MTHFSD: variants seen among roughly 807,000 people sequenced by gnomAD.
MTHFSD encodes methenyltetrahydrofolate synthase domain-containing protein.
A neutral mutation model predicts 31.1 loss-of-function variants in MTHFSD; 37 were observed. The observed-to-expected ratio is 1.19, with a 90% CI of 0.91 to 1.56. MTHFSD has a LOEUF of 1.56. Ranked by LOEUF, MTHFSD falls within the 40% of genes most tolerant of loss-of-function variation. The pLI, the probability that MTHFSD is intolerant of heterozygous loss-of-function variation, is 0.00. For missense variants in MTHFSD, 664 were observed against 510.1 expected (o/e 1.30, Z -2.91); for synonymous variants, 221 against 206.9 (o/e 1.07, Z -0.59).
chr16:86,547,546 C>T, intron 4 of MTHFSD: 1 of 987,370 alleles, frequency 1.0e-6, no homozygotes. Flanking sequence ...CTCGCAGGGT[C>T]CACGGGGGCA....
intron 5 of MTHFSD, among the ~76,000 whole-genome samples, chr16:86,543,988 T>C (rs1971907266): frequency 2.0e-5 from 3 of 152,236 alleles, no homozygotes; most frequent in Admixed American, 1.3e-4. Flanking sequence ...TGCCTGCTGA[T>C]CTGTCACTGT....
chr16:86,535,572 C>T (rs886248789), intron 7 of MTHFSD: 22 of 942,738 alleles, frequency 2.3e-5, no homozygotes, highest in Non-Finnish European at 2.8e-5. Context: ...AACATTTTTG[C>T]CTTTTTATAA....
rs1973197917 is a variant in MTHFSD, at chr16:86,551,884, A to T, written c.237+149T>A. The stretch of plus-strand genomic sequence containing the variant: ...AGGGCTTCTGAACTATTCTTGGAAA[A>T]ATCACCACCAAGGGCACTTTCTGTA... On this transcript the variant is annotated intron_variant, in intron 3 of 7. Coordinates refer to ENST00000360900, the MANE Select transcript of MTHFSD (RefSeq NM_001159377.2). The T allele has an allele frequency of 2.2e-5, 32 of 1,441,256 alleles. No homozygotes were observed. In the South Asian group the frequency reaches 4.3e-4, roughly 19 times the overall value. The allele number at this position is 1,441,256 out of a possible 1,614,324, so 89.3% of individuals were successfully genotyped here. A position where few individuals can be genotyped will look rare whatever the true frequency, so the allele number is the denominator to read the frequency against.
At chr16:86,541,161 T>C in intron 7 of MTHFSD, 5 of 1,289,220 alleles carry the variant, frequency 3.9e-6, no homozygotes, top group Non-Finnish European at 5.1e-6. Flanking sequence ...GTCAAACTCC[T>C]ACTGCAGACT....
At chr16:86,554,176 T>G (rs143616532) in intron 2 of MTHFSD, among the ~76,000 whole-genome samples, 463 of 152,290 alleles carry the variant, frequency 3.0e-3, no homozygotes, top group African/African-American at 0.011. Context: ...CTGCTGCTCA[T>G]TCTTTGAGTC....
chr16:86,545,192 C>G (rs866034808), intron 5 of MTHFSD, among the ~76,000 whole-genome samples: 6 of 152,112 alleles, frequency 3.9e-5, no homozygotes, highest in Admixed American at 3.9e-4. Flanking sequence ...GCACATCCTA[C>G]ACATGTATCC....
intron 1 of MTHFSD, 184 bp from the exon 2 acceptor site, chr16:86,554,935 C>T (rs1466119432): frequency 4.2e-6 from 5 of 1,194,272 alleles, no homozygotes; most frequent in Non-Finnish European, 5.7e-6. Context: ...GCAGGTGTCC[C>T]TCCCGCCTCG....
At chr16:86,540,390 A>G (rs1287366593) in intron 7 of MTHFSD, among the ~76,000 whole-genome samples, 1 of 152,182 alleles carries the variant, frequency 6.6e-6, no homozygotes, top group Admixed American at 6.5e-5. Flanking sequence ...AGGAGGATAT[A>G]TTCACCTAAC....
chr16:86,540,592 T>C, intron 7 of MTHFSD: 1 of 852,854 alleles, frequency 1.2e-6, no homozygotes, highest in Non-Finnish European at 1.4e-6. Flanking sequence ...TTGTGCAACC[T>C]TCCCACCATC....
Position 86,555,211 on chromosome 16 carries a change from C to T in MTHFSD, c.-27G>A, listed in dbSNP as rs1425272743. On this transcript the variant is annotated 5_prime_UTR_variant, in exon 1 of 8. Transcript: ENST00000360900. Reference sequence around the variant, plus strand: ...GTGATGCAGTCGCTGTGCGACGCTTCCCGGCGCAGGTTCTGGCGCGTAGTG... The same window carrying T: ...GTGATGCAGTCGCTGTGCGACGCTTTCCGGCGCAGGTTCTGGCGCGTAGTG... 11 of 1,536,388 alleles carry T rather than the reference C, an allele frequency of 7.2e-6. No individual in the cohort carries two copies. The South Asian group carries it at 1.1e-4, about 15-fold the overall frequency.
In MTHFSD at chr16:86,552,122, T is replaced by C. The variant is rs370466860; in HGVS notation, c.148A>G (p.Ile50Val). 1.9e-6 allele frequency: 3 copies of C among 1,614,104 alleles called. No homozygotes were observed. Among genetic ancestry groups the C allele is most frequent in the Non-Finnish European group, 2.5e-6 (3 of 1,180,052 alleles). ...FKGSYLACQN[I>V]KDLDVFARTQ... ...CTGGCAAAAACGTCTAGGTCTTTGA[T>C]GTTTTGGCAAGCCAGATAAGACCCC... The change falls in exon 3 of 8, where the codon ATC (isoleucine) becomes GTC (valine). Residue 50 changes from isoleucine (I) to valine (V), a missense_variant. Physicochemically the swap from Ile to Val is conservative, Grantham distance 29. Transcript: ENST00000360900.
At chr16:86,533,684 T>A (rs1368164870) in intron 7 of MTHFSD, 1 of 152,108 alleles carries the variant, frequency 6.6e-6, no homozygotes, top group Admixed American at 6.5e-5. Flanking sequence ...GGAGCTGGGG[T>A]TCCCTCCCAA....
intron 2 of MTHFSD, 76 bp downstream of exon 2, chr16:86,554,569 G>A (rs566546796): frequency 1.8e-5 from 20 of 1,134,838 alleles, no homozygotes; most frequent in African/African-American, 1.2e-4. Flanking sequence ...GACGCAGTAA[G>A]AGAATTTTAT....
At chr16:86,541,433 C>T in intron 7 of MTHFSD, 1 of 613,298 alleles carries the variant, frequency 1.6e-6, no homozygotes, top group Non-Finnish European at 2.7e-6. Context: ...CATTCACCCT[C>T]CCAGCCCATG....
At chr16:86,537,449 G>C (rs934318484) in intron 7 of MTHFSD, among the ~76,000 whole-genome samples, 1 of 152,014 alleles carries the variant, frequency 6.6e-6, no homozygotes, top group Non-Finnish European at 1.5e-5. Context: ...CTTCTATAGA[G>C]ATTCAGATAA....
chr16:86,547,197 T>G, intron 4 of MTHFSD: 1 of 987,038 alleles, frequency 1.0e-6, no homozygotes, highest in Non-Finnish European at 1.2e-6. Flanking sequence ...ACTATCTTTA[T>G]GTACAATATA....
chr16:86,548,184 G>C lies in MTHFSD; in HGVS notation c.351+280C>G, dbSNP rs142537879. ...CGCAGGTTAACACCGGGCAGTGCCAGAGAACCAGATCACCCGTCTTCCCTT... is the reference window on the plus strand; with the variant it reads ...CGCAGGTTAACACCGGGCAGTGCCACAGAACCAGATCACCCGTCTTCCCTT... On this transcript the variant is annotated intron_variant, in intron 4 of 7. Coordinates refer to ENST00000360900, the MANE Select transcript of MTHFSD (RefSeq NM_001159377.2). The C allele has an allele frequency of 4.1e-5, 49 of 1,191,594 alleles. No individual in the cohort carries two copies. In the East Asian group the frequency reaches 2.0e-3, roughly 48 times the overall value. The allele number at this position is 1,191,594 out of a possible 1,614,324, so 73.8% of individuals were successfully genotyped here. A position where few individuals can be genotyped will look rare whatever the true frequency, so the allele number is the denominator to read the frequency against.
At chr16:86,533,356 T>C (rs1970239032) in intron 7 of MTHFSD, 1 of 152,202 alleles carries the variant, frequency 6.6e-6, no homozygotes, top group Non-Finnish European at 1.5e-5. Context: ...CACCGTGCCC[T>C]GTGCAAAAAA....
At chr16:86,546,672 G>C in intron 4 of MTHFSD, 23 bp from the exon 5 acceptor site, 1 of 1,589,582 alleles carries the variant, frequency 6.3e-7, no homozygotes, top group Non-Finnish European at 8.6e-7. Flanking sequence ...ATACGGATTG[G>C]AAAACTTCAA....
Sources: allele counts gnomAD v4.1 joint callset (sites outside exome capture counted in the v4.1 genomes callset), GRCh38; gene constraint gnomAD v4.1.1; transcripts MANE v1.5; gene names NCBI Gene and HGNC (gene_info 2026-07-23, HGNC 2026-07-21).